The following BCL7A variants were observed in gnomAD, a reference collection of about 807,000 sequenced individuals.
BCL7A encodes the protein BAF chromatin remodeling complex subunit BCL7A, also known as B-cell CLL/lymphoma 7 protein family member A.
In BCL7A, 11 loss-of-function variants were observed where a neutral mutation model predicts 28.4. The observed-to-expected ratio is 0.39, with a 90% CI of 0.24 to 0.64. BCL7A has a LOEUF of 0.64. Ranked by LOEUF, BCL7A falls within the 30% of genes least tolerant of loss-of-function variation. The probability of loss-of-function intolerance (pLI) is 0.50; values close to 1 mark genes in which losing one functional copy is unlikely to be tolerated. For missense variants in BCL7A, 222 were observed against 274.8 expected (o/e 0.81, Z 1.36); for synonymous variants, 123 against 103.3 (o/e 1.19, Z -1.15).
chr12:122,051,579 C>G (rs527410230), intron 4 of BCL7A, among the ~76,000 whole-genome samples: 18 of 152,278 alleles, frequency 1.2e-4, no homozygotes, highest in Admixed American at 1.0e-3. Flanking sequence ...CCACCAAGCT[C>G]TAGGGCCTGG....
chr12:122,031,706 C>T (rs888120008), intron 2 of BCL7A, among the ~76,000 whole-genome samples: 20 of 152,078 alleles, frequency 1.3e-4, no homozygotes, highest in African/African-American at 4.1e-4. Flanking sequence ...CAGGGGTCCC[C>T]GGTGCTAGGA....
At chr12:122,052,522 T>C (rs1884211581) in intron 4 of BCL7A, among the ~76,000 whole-genome samples, 1 of 152,204 alleles carries the variant, frequency 6.6e-6, no homozygotes, top group Non-Finnish European at 1.5e-5. Context: ...CCAGCAACAC[T>C]GGGTCCCTGC....
chr12:122,057,066 G>A (rs866654147), intron 5 of BCL7A, among the ~76,000 whole-genome samples: 1 of 152,256 alleles, frequency 6.6e-6, no homozygotes, highest in Non-Finnish European at 1.5e-5. Context: ...AGGTCACAGA[G>A]TCCCACTAAG....
At chr12:122,043,751 G>A (rs1884007783) in intron 3 of BCL7A, 135 bp from the exon 4 acceptor site, 7 of 831,588 alleles carry the variant, frequency 8.4e-6, no homozygotes, top group African/African-American at 5.6e-5. Flanking sequence ...AAAAAAAAAC[G>A]GTAACCAGAC....
chr12:122,029,853 T>C lies in BCL7A; in HGVS notation c.93-847T>C, dbSNP rs1320261094. 6.6e-6 allele frequency among the ~76,000 whole-genome samples: 1 copy of C among 151,626 alleles called. No individual in the cohort carries two copies. Among genetic ancestry groups the C allele is most frequent in the Admixed American group, 6.6e-5 (1 of 15,190 alleles). ...AGGAGGTGGCTGGCTGTAGCAATAATCGGAAAAATGACAGTGGCTCGGAGC... is the reference window on the plus strand; with the variant it reads ...AGGAGGTGGCTGGCTGTAGCAATAACCGGAAAAATGACAGTGGCTCGGAGC... On this transcript the variant is annotated intron_variant, in intron 1 of 5. Transcript: ENST00000261822. This position sits in a 1 kb window ranked among gnomAD's most constrained non-coding sequence, Gnocchi z 4.3.
chr12:122,034,651 G>A (rs969524495), intron 2 of BCL7A, among the ~76,000 whole-genome samples: 1 of 151,424 alleles, frequency 6.6e-6, no homozygotes, highest in Non-Finnish European at 1.5e-5. Context: ...CAGAAGAATC[G>A]CTTGAATCTG....
intron 3 of BCL7A, among the ~76,000 whole-genome samples, chr12:122,036,225 GT>G (rs1258148225): frequency 6.6e-6 from 1 of 152,090 alleles, no homozygotes; most frequent in African/African-American, 2.4e-5. Flanking sequence ...TTCCTTTGCT[GT>G]TTAATTTCAA....
In BCL7A at chr12:122,021,948, G is replaced by GTGTT; in HGVS notation, c.-141_-140insTTGT. The GTGTT allele has an allele frequency of 1.7e-6, 1 of 592,744 alleles. No homozygotes were observed. The highest frequency in any genetic ancestry group is 3.0e-6 in the Non-Finnish European group (1 of 333,070). The allele number at this position is 592,744 out of a possible 1,614,324, so 36.7% of individuals were successfully genotyped here. ...TGTGTGTATGTGTGTGTGTGTGTGTGTGTGTGTGTGAGTGTGTGCGTGTGA... is the reference window on the plus strand; with the variant it reads ...TGTGTGTATGTGTGTGTGTGTGTGTGTGTTTGTGTGTGTGAGTGTGTGCGTGTGA... On this transcript the variant is annotated 5_prime_UTR_variant, in exon 1 of 6. The change abolishes the stop of an existing upstream ORF in the 5' untranslated region. Transcript: ENST00000261822.
rs373987932 is a variant in BCL7A, at chr12:122,060,494, C to T, written c.*1331C>T. 50 of 229,154 alleles carry T rather than the reference C, an allele frequency of 2.2e-4. No homozygotes were observed. The highest frequency in any genetic ancestry group is 1.0e-3 in the African/African-American group (45 of 45,140). 14.2% of individuals were successfully genotyped at this position (229,154 alleles called of 1,614,324 possible). A position where few individuals can be genotyped will look rare whatever the true frequency, so the allele number is the denominator to read the frequency against. ...ACAGCTTCCTCTCACTGAACGGAGA[C>T]GCCCCCTTGGACGAACTGCCTAATC... is the stretch of plus-strand genomic sequence containing the variant. On this transcript the variant is annotated 3_prime_UTR_variant, in exon 6 of 6. Transcript: ENST00000261822.
At chr12:122,038,128 G>T (rs1883892733) in intron 3 of BCL7A, among the ~76,000 whole-genome samples, 1 of 148,428 alleles carries the variant, frequency 6.7e-6, no homozygotes, top group Non-Finnish European at 1.5e-5. Flanking sequence ...CTCAAAAAAA[G>T]AAAAAAGAAA....
rs1341032737 is a variant in BCL7A, at chr12:122,021,942, G to A, written c.-150G>A. The A allele has an allele frequency of 4.5e-5, 26 of 578,708 alleles. No individual in the cohort carries two copies. The highest frequency in any genetic ancestry group is 1.2e-4 in the African/African-American group (6 of 50,944). 35.8% of individuals were successfully genotyped at this position (578,708 alleles called of 1,614,324 possible). The stretch of plus-strand genomic sequence containing the variant: ...TGTGTGTGTGTGTATGTGTGTGTGT[G>A]TGTGTGTGTGTGTGTGAGTGTGTGC... On this transcript the variant is annotated 5_prime_UTR_variant, in exon 1 of 6. The change creates a new upstream start codon in the 5' untranslated region. Transcript: ENST00000261822.
intron 1 of BCL7A, among the ~76,000 whole-genome samples, chr12:122,022,701 C>T (rs1883494374): frequency 6.8e-6 from 1 of 148,132 alleles, no homozygotes; most frequent in African/African-American, 2.4e-5. Context: ...AGCCCCGGCC[C>T]GCCCGGCCGC....
chr12:122,050,117 C>T (rs1884159607), intron 4 of BCL7A, among the ~76,000 whole-genome samples: 1 of 152,174 alleles, frequency 6.6e-6, no homozygotes, highest in Non-Finnish European at 1.5e-5. Flanking sequence ...GCTGGGACTA[C>T]AGGCGTGCAT....
Position 122,061,553 on chromosome 12 carries a change from G to GGCCCCC in BCL7A, c.*2390_*2391insGCCCCC. The stretch of plus-strand genomic sequence containing the variant: ...TGGCGCAGTCGCTCCTCGAGCCGCT[G>GGCCCCC]CCCCCCACCCACCCTGCACCCCTCG... On this transcript the variant is annotated 3_prime_UTR_variant, in exon 6 of 6. Transcript: ENST00000261822. 1 of 218,126 alleles carries GGCCCCC rather than the reference G, an allele frequency of 4.6e-6. No individual in the cohort carries two copies. Among genetic ancestry groups the GGCCCCC allele is most frequent in the Non-Finnish European group, 9.2e-6 (1 of 109,108 alleles). The allele number at this position is 218,126 out of a possible 1,614,324, so 13.5% of individuals were successfully genotyped here.
At chr12:122,049,806 G>A (rs1219326344) in intron 4 of BCL7A, among the ~76,000 whole-genome samples, 2 of 152,060 alleles carry the variant, frequency 1.3e-5, no homozygotes, top group Non-Finnish European at 2.9e-5. Flanking sequence ...AGGTGCAGGT[G>A]GCTCTGCAGG....
chr12:122,038,975 G>T (rs1180110617), intron 3 of BCL7A, among the ~76,000 whole-genome samples: 1 of 151,874 alleles, frequency 6.6e-6, no homozygotes, highest in African/African-American at 2.4e-5. Flanking sequence ...AGGAGTTTGA[G>T]ACCAGCCTGG....
chr12:122,050,948 C>T (rs1446508886), intron 4 of BCL7A, among the ~76,000 whole-genome samples: 14 of 152,282 alleles, frequency 9.2e-5, no homozygotes, highest in Admixed American at 8.5e-4. Context: ...GTCGGGGGAG[C>T]GATTGCGGGG....
At chr12:122,024,872 T>A (rs567491473) in intron 1 of BCL7A, among the ~76,000 whole-genome samples, 1 of 152,188 alleles carries the variant, frequency 6.6e-6, no homozygotes, top group Non-Finnish European at 1.5e-5. Flanking sequence ...GTTTGGCAGA[T>A]CATTTGGCCC....
chr12:122,021,930 ATGTGTGTGTGTGTG>A lies in BCL7A; in HGVS notation c.-147_-134del, dbSNP rs1054142046. On this transcript the variant is annotated 5_prime_UTR_variant, in exon 1 of 6. It removes the in-frame stop codon of an upstream open reading frame in the 5' UTR. Transcript: ENST00000261822. ...GGCCCCGGGCTTTGTGTGTGTGTGT[ATGTGTGTGTGTGTG>A]TGTGTGTGTGTGTGAGTGTGTGCGT... The A allele has an allele frequency of 3.3e-5, 13 of 388,184 alleles. No individual in the cohort carries two copies. The highest frequency in any genetic ancestry group is 5.7e-5 in the Non-Finnish European group (12 of 211,746). The allele number at this position is 388,184 out of a possible 1,614,324, so 24.0% of individuals were successfully genotyped here. A position where few individuals can be genotyped will look rare whatever the true frequency, so the allele number is the denominator to read the frequency against.
Sources: allele counts gnomAD v4.1 joint callset (sites outside exome capture counted in the v4.1 genomes callset), GRCh38; gene constraint gnomAD v4.1.1; non-coding constraint Gnocchi (gnomAD v3.1); transcripts MANE v1.5; gene names NCBI Gene and HGNC (gene_info 2026-07-23, HGNC 2026-07-21).